The following CALB1 variants were observed in gnomAD, a reference collection of about 807,000 sequenced individuals.
CALB1 encodes the protein calbindin.
A neutral mutation model predicts 46.7 loss-of-function variants in CALB1; 16 were observed. The observed-to-expected ratio is 0.34, with a 90% confidence interval of 0.23 to 0.52. The LOEUF is 0.52. Among genes scored for constraint, CALB1 ranks in the 20% least tolerant of loss-of-function variants. CALB1 has a pLI of 0.95. For missense variants in CALB1, 224 were observed against 300.3 expected (o/e 0.75, Z 1.88); for synonymous variants, 90 against 112.8 (o/e 0.80, Z 1.28).
chr8:90,070,914 A>G (rs891995240), intron 3 of CALB1, among the ~76,000 whole-genome samples: 21 of 151,480 alleles, frequency 1.4e-4, no homozygotes, highest in Non-Finnish European at 2.9e-4. Context: ...CTCAGGACAT[A>G]CTTCTGTGAC....
At chr8:90,066,384 G>GA (rs1227897519) in intron 5 of CALB1, among the ~76,000 whole-genome samples, 3 of 151,904 alleles carry the variant, frequency 2.0e-5, no homozygotes, top group Admixed American at 1.3e-4. Context: ...GGAATATTGT[G>GA]AAAAAATATC....
At chr8:90,072,020 C>T (rs1327464852) in intron 3 of CALB1, among the ~76,000 whole-genome samples, 1 of 152,124 alleles carries the variant, frequency 6.6e-6, no homozygotes, top group African/African-American at 2.4e-5. Context: ...TTATTAAAAA[C>T]ATCTACTTAA....
At chr8:90,081,373 C>G (rs1057026587) in intron 2 of CALB1, 4 of 405,018 alleles carry the variant, frequency 9.9e-6, no homozygotes, top group African/African-American at 8.7e-5. Flanking sequence ...TCTTTTCTTG[C>G]TAAATTCTTT....
chr8:90,064,935 C>T lies in CALB1; in HGVS notation c.450+963G>A, dbSNP rs1814364633. The stretch of plus-strand genomic sequence containing the variant: ...AGATGCTGAAAGCAAACCTCAGTTA[C>T]ATCAAATATAATCAAACCCTTTATT... On this transcript the variant is annotated intron_variant, in intron 6 of 10. Transcript: ENST00000265431. Among the ~76,000 whole-genome samples, 5 of 151,818 alleles carry T rather than the reference C, an allele frequency of 3.3e-5. No individual in the cohort carries two copies. The South Asian group carries it at 1.0e-3, about 31-fold the overall frequency.
intron 9 of CALB1, 34 bp downstream of exon 9, chr8:90,063,066 A>G (rs748881633): frequency 1.3e-6 from 2 of 1,518,986 alleles, no homozygotes; most frequent in Non-Finnish European, 1.8e-6. Flanking sequence ...TCTTACTTCA[A>G]TAAAAAAGAA....
chr8:90,063,039 A>G, intron 9 of CALB1, 61 bp downstream of exon 9: 1 of 1,185,898 alleles, frequency 8.4e-7, no homozygotes, highest in Non-Finnish European at 1.2e-6. Flanking sequence ...TTTTGTTAAG[A>G]GGATCTTATG....
rs566212533 is a variant in CALB1 at position 90,071,868 on chromosome 8, A to G, written c.232-2631T>C. Among the ~76,000 whole-genome samples the G allele has an allele frequency of 2.6e-5, 4 of 152,284 alleles. No individual in the cohort carries two copies. In the East Asian group the frequency reaches 7.7e-4, roughly 29 times the overall value. ...TGCAACTTGTTAGATACTTCTTACA[A>G]TTTTTGCGTGACCTTCCTCTAGACC... On this transcript the variant is annotated intron_variant, in intron 3 of 10. Coordinates refer to ENST00000265431, the MANE Select transcript of CALB1 (RefSeq NM_004929.4).
At position 90,060,142 on chromosome 8, in the gene CALB1, T is replaced by A. The variant is rs1260757863; in HGVS notation, c.*31A>T. 4 of 1,207,212 alleles carry A rather than the reference T, an allele frequency of 3.3e-6. No individual in the cohort carries two copies. The Admixed American group carries it at 6.7e-5, about 20-fold the overall frequency. The allele number at this position is 1,207,212 out of a possible 1,614,324, so 74.8% of individuals were successfully genotyped here. A position where few individuals can be genotyped will look rare whatever the true frequency, so the allele number is the denominator to read the frequency against. Reference sequence around the variant, plus strand: ...GCACAGTTATTTTTTAGATACAGTGTATCACTAGCAAGTGGTTGCGGCCAC... The same window carrying A: ...GCACAGTTATTTTTTAGATACAGTGAATCACTAGCAAGTGGTTGCGGCCAC... On this transcript the variant is annotated 3_prime_UTR_variant, in exon 11 of 11. Transcript: ENST00000265431.
At chr8:90,080,614 A>G (rs1209277709) in intron 2 of CALB1, among the ~76,000 whole-genome samples, 1 of 152,014 alleles carries the variant, frequency 6.6e-6, no homozygotes, top group Non-Finnish European at 1.5e-5. Context: ...GGTGGAGAGT[A>G]TATAAAACAT....
chr8:90,077,746 G>C (rs1814646513), intron 3 of CALB1, among the ~76,000 whole-genome samples: 1 of 151,994 alleles, frequency 6.6e-6, no homozygotes, highest in Admixed American at 6.6e-5. Context: ...CACTGTGAAA[G>C]GATAAGATGT....
At chr8:90,082,376 A>G (rs1370720876) in intron 1 of CALB1, 2 of 605,690 alleles carry the variant, frequency 3.3e-6, no homozygotes, top group Non-Finnish European at 5.8e-6. Context: ...TCTCTCTCCT[A>G]CCATTACCGT....
chr8:90,065,518 C>A (rs146760235), intron 6 of CALB1, among the ~76,000 whole-genome samples: 1 of 151,776 alleles, frequency 6.6e-6, no homozygotes, highest in East Asian at 1.9e-4. Context: ...GATTTAGGAA[C>A]TCTATAATAA....
chr8:90,081,487 G>T, intron 2 of CALB1: 1 of 983,268 alleles, frequency 1.0e-6, no homozygotes. Context: ...ATTGGTGATA[G>T]AGTAAGAGAT....
At chr8:90,066,021 C>T (rs560906133) in intron 5 of CALB1, 46 bp from the exon 6 acceptor site, 11 of 1,222,166 alleles carry the variant, frequency 9.0e-6, no homozygotes, top group South Asian at 6.2e-5. Flanking sequence ...AATAATATAT[C>T]GTCTACTTTC....
In CALB1 at chr8:90,082,039, T is replaced by G; in HGVS notation, c.143A>C (p.Lys48Thr). The part of the protein sequence containing the change: ...NLIQELQQAR[K>T]KAGLELSPEM... ...ACTTGAACCTACCAATCCAGCCTTC[T>G]TTCGCGCCTGCTGGAGCTCCTGGAT... Residue 48 changes from lysine to threonine, a missense_variant, in exon 2 of 11, where the codon AAG becomes ACG. Transcript: ENST00000265431. The G allele has an allele frequency of 6.2e-7, 1 of 1,613,940 alleles. No individual in the cohort carries two copies. The highest frequency in any genetic ancestry group is 2.2e-5 in the East Asian group (1 of 44,882).
chr8:90,070,997 T>G (rs1814505556), intron 3 of CALB1, among the ~76,000 whole-genome samples: 1 of 152,122 alleles, frequency 6.6e-6, no homozygotes, highest in Non-Finnish European at 1.5e-5. Context: ...ATAATTTAAT[T>G]TAATTCAAGA....
Position 90,073,598 on chromosome 8 carries a change from C to T in CALB1, c.232-4361G>A, listed in dbSNP as rs114094915. Among the ~76,000 whole-genome samples the T allele has an allele frequency of 2.9e-3, 448 of 152,312 alleles. 5 individuals are homozygous for T. The highest frequency in any genetic ancestry group is 0.01 in the African/African-American group (434 of 41,566). ...CACTTCCTAATAAACCTGCTCATTG[C>T]TACTCTTCCACTCAGATCTGCTTCC... On this transcript the variant is annotated intron_variant, in intron 3 of 10. Coordinates refer to ENST00000265431, the MANE Select transcript of CALB1 (RefSeq NM_004929.4).
At chr8:90,065,287 A>G (rs1814372503) in intron 6 of CALB1, among the ~76,000 whole-genome samples, 2 of 151,384 alleles carry the variant, frequency 1.3e-5, no homozygotes, top group African/African-American at 4.8e-5. Flanking sequence ...TCTTGGCTCT[A>G]TTATCAACAT....
chr8:90,060,879 A>G, intron 9 of CALB1, 179 bp from the exon 10 acceptor site: 1 of 602,454 alleles, frequency 1.7e-6, no homozygotes, highest in Non-Finnish European at 3.0e-6. Context: ...TATGCAAGGT[A>G]TTAGTTACTT....
Sources: allele counts gnomAD v4.1 joint callset (sites outside exome capture counted in the v4.1 genomes callset), GRCh38; gene constraint gnomAD v4.1.1; transcripts MANE v1.5; gene names NCBI Gene and HGNC (gene_info 2026-07-23, HGNC 2026-07-21).